MARCHF10: variants seen among roughly 807,000 people sequenced by gnomAD.
MARCHF10 encodes the protein probable E3 ubiquitin-protein ligase MARCHF10.
A neutral mutation model predicts 76.2 loss-of-function variants in MARCHF10; 64 were observed. The observed-to-expected ratio is 0.84, with a 90% confidence interval of 0.69 to 1.03. The LOEUF (loss-of-function observed/expected upper bound fraction) is 1.03. Ranked by LOEUF, MARCHF10 falls within the 50% of genes least tolerant of loss-of-function variation. The pLI is 0.00. For synonymous variants in MARCHF10, 340 were observed against 357.5 expected, an observed-to-expected ratio of 0.95 and a Z score of 0.55; for missense variants, 875 against 958.0, an observed-to-expected ratio of 0.91 and a Z score of 1.14.
intron 3 of MARCHF10, among the ~76,000 whole-genome samples, chr17:62,763,200 T>C (rs1024362679): frequency 6.6e-6 from 1 of 152,202 alleles, no homozygotes; most frequent in African/African-American, 2.4e-5. Context: ...TGTTCAGCCA[T>C]TTATAAAATT....
Position 62,736,204 on chromosome 17 carries a change from C to T in MARCHF10, c.1664G>A (p.Gly555Glu), listed in dbSNP as rs1405614891. 1.2e-6 allele frequency: 2 copies of T among 1,614,128 alleles called. No homozygotes were observed. The highest frequency in any genetic ancestry group is 2.2e-5 in the South Asian group (2 of 91,080). Reference protein sequence around the residue: ...EDTTLTSQPQGAPLYTDLLLN... With the variant: ...EDTTLTSQPQEAPLYTDLLLN... ...TAAGAGATCTGTATATAGTGGAGCC[C>T]CCTGAGGCTGGCTTGTTAAAGTAGT... The change falls in exon 6 of 11, where the codon GGG becomes GAG. Residue 555 changes from glycine (G) to glutamate (E), a missense_variant. Coordinates refer to ENST00000311269, the MANE Select transcript of MARCHF10 (RefSeq NM_152598.4).
intron 6 of MARCHF10, among the ~76,000 whole-genome samples, chr17:62,729,059 C>T (rs1207857792): frequency 6.6e-6 from 1 of 152,132 alleles, no homozygotes; most frequent in Non-Finnish European, 1.5e-5. Context: ...CCTGCCTCAG[C>T]CTCTCAAGTA....
chr17:62,709,200 C>T (rs1187713213), intron 9 of MARCHF10, among the ~76,000 whole-genome samples: 4 of 152,192 alleles, frequency 2.6e-5, no homozygotes, highest in African/African-American at 4.8e-5. Flanking sequence ...CATTTGTCAG[C>T]CGGGCACGGG....
chr17:62,724,795 G>T, intron 7 of MARCHF10, 143 bp downstream of exon 7: 1 of 822,506 alleles, frequency 1.2e-6, no homozygotes. Context: ...TTATGAGCAA[G>T]GATCTGGAGC....
At chr17:62,765,352 A>C (rs1048122692) in intron 3 of MARCHF10, among the ~76,000 whole-genome samples, 39 of 14,328 alleles carry the variant, frequency 2.7e-3, no homozygotes, top group African/African-American at 0.02. Context: ...ACTCTGTCTC[A>C]AAAAAAAAAA....
chr17:62,710,943 A>G (rs1376563773), intron 9 of MARCHF10, among the ~76,000 whole-genome samples: 2 of 151,902 alleles, frequency 1.3e-5, no homozygotes, highest in Admixed American at 6.6e-5. Flanking sequence ...GCTCTCCTCT[A>G]TTTTTGGGGG....
At position 62,743,551 on chromosome 17, in the gene MARCHF10, G is replaced by A. The variant is rs151122057; in HGVS notation, c.535+825C>T. Among the ~76,000 whole-genome samples the A allele has an allele frequency of 3.0e-3, 462 of 152,300 alleles. 1 individual carries two copies. Among genetic ancestry groups the A allele is most frequent in the Middle Eastern group, 0.01 (3 of 294 alleles). On this transcript the variant is annotated intron_variant, in intron 5 of 10. Coordinates refer to ENST00000311269, the MANE Select transcript of MARCHF10 (RefSeq NM_152598.4). ...CCAGCTACTTGGGAGGCTGAGGCATGTGAATTGCTTGAATCCGGGAGGTGG... is the reference window on the plus strand; with the variant it reads ...CCAGCTACTTGGGAGGCTGAGGCATATGAATTGCTTGAATCCGGGAGGTGG...
intron 2 of MARCHF10, among the ~76,000 whole-genome samples, chr17:62,789,362 C>G (rs530544990): frequency 2.0e-5 from 3 of 152,306 alleles, no homozygotes; most frequent in African/African-American, 7.2e-5. Context: ...GGAATCTCCT[C>G]TGTTAGAAGC....
intron 6 of MARCHF10, 41 bp downstream of exon 6, chr17:62,735,890 T>C: frequency 2.6e-6 from 4 of 1,564,748 alleles, no homozygotes; most frequent in Non-Finnish European, 3.4e-6. Flanking sequence ...ATTTTGGCCT[T>C]GGGAAAGTGG....
intron 9 of MARCHF10, among the ~76,000 whole-genome samples, chr17:62,710,866 C>G (rs2089893605): frequency 6.6e-6 from 1 of 152,096 alleles, no homozygotes; most frequent in Non-Finnish European, 1.5e-5. Context: ...CAGCCAGGTT[C>G]CTCTTTTTCG....
At chr17:62,807,436 A>AG (rs751079497) in intron 1 of MARCHF10, among the ~76,000 whole-genome samples, 48 of 152,050 alleles carry the variant, frequency 3.2e-4, no homozygotes, top group Non-Finnish European at 6.0e-4. Flanking sequence ...AAACTAGGAG[A>AG]GATAGGTGGT....
At chr17:62,772,808 A>AT (rs1318421954) in intron 3 of MARCHF10, among the ~76,000 whole-genome samples, 3 of 152,170 alleles carry the variant, frequency 2.0e-5, no homozygotes, top group Non-Finnish European at 4.4e-5. Context: ...AGGACCTGTG[A>AT]TTTTTGTCAC....
rs140666114 is a variant in MARCHF10 at position 62,795,810 on chromosome 17, C to A, written c.90+5836G>T. On this transcript the variant is annotated intron_variant, in intron 2 of 10. Coordinates refer to ENST00000311269, the MANE Select transcript of MARCHF10 (RefSeq NM_152598.4). The stretch of plus-strand genomic sequence containing the variant: ...TTAGGTCTTAGCCTGTTTGTATGCC[C>A]TGAAATGGGGAATCCCTGGTCACAC... Among the ~76,000 whole-genome samples the A allele has an allele frequency of 4.1e-3, 631 of 152,220 alleles. 2 individuals are homozygous for A. The highest frequency in any genetic ancestry group is 0.015 in the African/African-American group (613 of 41,534).
At chr17:62,745,328 T>C (rs936720515) in intron 4 of MARCHF10, among the ~76,000 whole-genome samples, 3 of 152,032 alleles carry the variant, frequency 2.0e-5, no homozygotes, top group Non-Finnish European at 2.9e-5. Context: ...GGTCTCAAAG[T>C]CCTGACCTCA....
intron 3 of MARCHF10, among the ~76,000 whole-genome samples, chr17:62,783,194 GTTTTTTTTTTTTTT>G (rs201262979): frequency 2.8e-5 from 2 of 71,382 alleles, no homozygotes; most frequent in African/African-American, 1.4e-4. Context: ...AAAATTGCCA[GTTTTTTTTTTTTTT>G]TTTTTTTTTT....
chr17:62,744,553 T>C (rs1317967670), intron 4 of MARCHF10, 25 bp from the exon 5 acceptor site: 1 of 1,610,312 alleles, frequency 6.2e-7, no homozygotes, highest in African/African-American at 1.3e-5. Flanking sequence ...GTCTTTTCAA[T>C]AATTATTTTG....
intron 2 of MARCHF10, among the ~76,000 whole-genome samples, chr17:62,790,171 G>A (rs971761374): frequency 6.6e-6 from 1 of 151,892 alleles, no homozygotes; most frequent in Non-Finnish European, 1.5e-5. Context: ...CCTCAAAATA[G>A]TAAAAGTTTT....
chr17:62,720,981 C>T (rs944757911), intron 8 of MARCHF10, among the ~76,000 whole-genome samples: 5 of 150,718 alleles, frequency 3.3e-5, no homozygotes, highest in African/African-American at 1.2e-4. Context: ...GATTCTCAAG[C>T]CTCAGCCTCC....
At chr17:62,788,663 T>G in intron 2 of MARCHF10, 64 bp from the exon 3 acceptor site, 2 of 1,603,128 alleles carry the variant, frequency 1.2e-6, no homozygotes, top group Non-Finnish European at 1.7e-6. Context: ...AACTTTATGC[T>G]TAACTCCAAT....
Sources: allele counts gnomAD v4.1 joint callset (sites outside exome capture counted in the v4.1 genomes callset), GRCh38; gene constraint gnomAD v4.1.1; transcripts MANE v1.5; gene names NCBI Gene and HGNC (gene_info 2026-07-23, HGNC 2026-07-21).